Variants in ADAMTS20 observed in about 807,000 individuals in gnomAD.
ADAMTS20 encodes the protein A disintegrin and metalloproteinase with thrombospondin motifs 20.
In ADAMTS20, 225 loss-of-function variants were observed where a neutral mutation model predicts 260.1. That is an observed-to-expected ratio of 0.87 (90% CI 0.78 to 0.97). ADAMTS20 has a LOEUF of 0.97. ADAMTS20 is among the 50% of genes least tolerant of loss of function. ADAMTS20 has a pLI of 0.00. For missense variants in ADAMTS20, 2,400 were observed against 2,337.7 expected (o/e 1.03, Z -0.55); for synonymous variants, 802 against 769.5 (o/e 1.04, Z -0.70).
intron 3 of ADAMTS20, among the ~76,000 whole-genome samples, chr12:43,516,018 G>A (rs1181351755): frequency 6.6e-6 from 1 of 152,006 alleles, no homozygotes; most frequent in Non-Finnish European, 1.5e-5. Flanking sequence ...GGTCAGAGTG[G>A]GTAGGGAGCA....
In ADAMTS20 at chr12:43,438,781, T is replaced by C. The variant is rs760490215; in HGVS notation, c.2593+841A>G. ...TCCCAAGCTATTTCTCTATTCTTCA[T>C]GAAAACTTTTCTTCCATTCTATACA... On this transcript the variant is annotated intron_variant, in intron 18 of 38. Transcript: ENST00000389420. Among the ~76,000 whole-genome samples the C allele has an allele frequency of 7.8e-4, 119 of 152,314 alleles. 2 individuals carry two copies. The Middle Eastern group carries it at 0.01, about 13-fold the overall frequency.
chr12:43,398,449 T>C (rs1036317821), intron 29 of ADAMTS20, among the ~76,000 whole-genome samples: 1 of 152,166 alleles, frequency 6.6e-6, no homozygotes, highest in African/African-American at 2.4e-5. Flanking sequence ...TTGGTGAGTC[T>C]TTTCATTCTA....
At chr12:43,411,286 C>G (rs557429895) in intron 28 of ADAMTS20, among the ~76,000 whole-genome samples, 70 of 152,170 alleles carry the variant, frequency 4.6e-4, no homozygotes, top group African/African-American at 1.6e-3. Context: ...CTAAATGAAA[C>G]CTTTAAGTTT....
At chr12:43,501,698 C>T (rs181526606) in intron 4 of ADAMTS20, among the ~76,000 whole-genome samples, 18 of 152,144 alleles carry the variant, frequency 1.2e-4, no homozygotes, top group Admixed American at 2.6e-4. Context: ...ATCCCTTTAA[C>T]GCCATAAATA....
intron 8 of ADAMTS20, 144 bp downstream of exon 8, chr12:43,468,456 G>A: frequency 1.6e-6 from 1 of 627,346 alleles, no homozygotes; most frequent in Non-Finnish European, 2.8e-6. Flanking sequence ...AAGAGCCAGA[G>A]TTAGCATTTC....
chr12:43,476,850 T>C (rs1195748304), intron 7 of ADAMTS20, among the ~76,000 whole-genome samples: 1 of 127,874 alleles, frequency 7.8e-6, no homozygotes, highest in Non-Finnish European at 1.6e-5. Context: ...TGTGGTGGGG[T>C]GGGTGGAGGG....
chr12:43,433,241 G>A (rs1020334975), intron 19 of ADAMTS20, among the ~76,000 whole-genome samples: 46 of 152,154 alleles, frequency 3.0e-4, no homozygotes, highest in African/African-American at 1.1e-3. Context: ...ACTAGTTTTT[G>A]CAAAGTACAC....
At chr12:43,416,341 A>G (rs1448007882) in intron 28 of ADAMTS20, among the ~76,000 whole-genome samples, 1 of 135,230 alleles carries the variant, frequency 7.4e-6, no homozygotes, top group South Asian at 2.9e-4. Flanking sequence ...CAGTTTTGAC[A>G]CCCAGTCCAA....
At chr12:43,481,718 CA>C (rs1478226628) in intron 7 of ADAMTS20, among the ~76,000 whole-genome samples, 5 of 152,086 alleles carry the variant, frequency 3.3e-5, no homozygotes, top group Admixed American at 2.6e-4. Flanking sequence ...AAATAAAAGT[CA>C]TTTTTTTGTT....
intron 28 of ADAMTS20, chr12:43,423,226 T>A: frequency 6.5e-6 from 1 of 153,428 alleles, no homozygotes; most frequent in Non-Finnish European, 1.5e-5. Flanking sequence ...TCAATGCTAC[T>A]GCTGTAGTGC....
intron 7 of ADAMTS20, among the ~76,000 whole-genome samples, chr12:43,477,426 G>T (rs1949083): frequency 0.093 from 14,177 of 152,180 alleles, 781 homozygotes; most frequent in Middle Eastern, 0.19. Flanking sequence ...ATAGTTTGTA[G>T]GGAGGAAGAA....
At chr12:43,423,337 T>C (rs1207882368) in intron 28 of ADAMTS20, 3 of 174,228 alleles carry the variant, frequency 1.7e-5, no homozygotes, top group African/African-American at 4.8e-5. Context: ...ACCTGGACCA[T>C]AGTTTGCTGA....
Position 43,443,706 on chromosome 12 carries a change from T to C in ADAMTS20, c.2290+85A>G, listed in dbSNP as rs1220768702. 4 of 1,114,010 alleles carry C rather than the reference T, an allele frequency of 3.6e-6. No individual in the cohort carries two copies. In the African/African-American group the frequency reaches 6.2e-5, roughly 17 times the overall value. The allele number at this position is 1,114,010 out of a possible 1,614,324, so 69.0% of individuals were successfully genotyped here. The stretch of plus-strand genomic sequence containing the variant: ...TGCATGCTTGCTAAAGGGACTCCTG[T>C]TTTCCAAGAATTCACATCAACTACA... On this transcript the variant is annotated intron_variant, in intron 16 of 38. Transcript: ENST00000389420.
intron 3 of ADAMTS20, among the ~76,000 whole-genome samples, chr12:43,529,527 T>C (rs1413254379): frequency 1.3e-5 from 2 of 152,132 alleles, no homozygotes; most frequent in African/African-American, 4.8e-5. Context: ...CTGGGGGCCA[T>C]CATTCTAAGG....
At position 43,432,740 on chromosome 12, in the gene ADAMTS20, C is replaced by T; in HGVS notation, c.2792G>A (p.Cys931Tyr). 1 of 1,613,864 alleles carries T rather than the reference C, an allele frequency of 6.2e-7. No homozygotes were observed. The highest frequency in any genetic ancestry group is 8.5e-7 in the Non-Finnish European group (1 of 1,179,790). The part of the protein sequence containing the change: ...GQGYRTLDIH[C>Y]MKYSIHEGQT... ...TCCTTCATGAATGGAATACTTCATG[C>T]AATGGATGTCCAAGGTTCTATATCC... Residue 931 changes from cysteine (C) to tyrosine (Y), a missense_variant, in exon 20 of 39, where the codon TGC (cysteine) becomes TAC (tyrosine). Physicochemically the swap from Cys to Tyr is radical, Grantham distance 194. Coordinates refer to ENST00000389420, the MANE Select transcript of ADAMTS20 (RefSeq NM_025003.5).
intron 18 of ADAMTS20, 24 bp downstream of exon 18, chr12:43,439,598 C>A: frequency 6.3e-7 from 1 of 1,585,824 alleles, no homozygotes; most frequent in South Asian, 1.2e-5. Context: ...TCAGTCTTTT[C>A]TCCCTTATTG....
intron 28 of ADAMTS20, chr12:43,423,555 A>C (rs1941273810): frequency 3.4e-6 from 2 of 592,468 alleles, no homozygotes. Context: ...AATTGGGAAA[A>C]AATTCCAAGA....
intron 29 of ADAMTS20, among the ~76,000 whole-genome samples, chr12:43,392,404 T>G (rs1940614437): frequency 6.6e-6 from 1 of 152,128 alleles, no homozygotes; most frequent in Non-Finnish European, 1.5e-5. Context: ...CCACACTTAA[T>G]TATTGGTCCT....
chr12:43,492,998 T>A (rs2137431646), intron 5 of ADAMTS20, among the ~76,000 whole-genome samples, 172 bp downstream of exon 5: 1 of 152,336 alleles, frequency 6.6e-6, no homozygotes, highest in East Asian at 1.9e-4. Flanking sequence ...AACACTGTTG[T>A]CATTCTATTT....
Sources: allele counts gnomAD v4.1 joint callset (sites outside exome capture counted in the v4.1 genomes callset), GRCh38; gene constraint gnomAD v4.1.1; transcripts MANE v1.5; gene names NCBI Gene and HGNC (gene_info 2026-07-23, HGNC 2026-07-21).